Variants in TUT4 observed in about 807,000 individuals in gnomAD.
TUT4 encodes the protein terminal uridylyl transferase 4.
TUT4 carries 36 observed loss-of-function variants against 192.2 expected under a neutral mutation model. That is an observed-to-expected ratio of 0.19 (90% CI 0.14 to 0.25). The LOEUF is 0.25. Ranked by LOEUF, TUT4 falls within the 10% of genes least tolerant of loss-of-function variation. The pLI, the probability that TUT4 is intolerant of heterozygous loss-of-function variation, is 1.00. For synonymous variants in TUT4, 618 were observed against 666.0 expected (o/e 0.93, Z 1.11); for missense variants, 1,493 against 1,957.2 (o/e 0.76, Z 4.47).
chr1:52,488,704 A>G (rs990090464), intron 9 of TUT4, among the ~76,000 whole-genome samples: 1 of 152,220 alleles, frequency 6.6e-6, no homozygotes, highest in Admixed American at 6.5e-5. Flanking sequence ...TCTAAAATAT[A>G]TCCATAAGTG....
chr1:52,444,108 C>T (rs1281247983), intron 24 of TUT4, among the ~76,000 whole-genome samples: 1 of 152,034 alleles, frequency 6.6e-6, no homozygotes. Flanking sequence ...TGGTGTCGGG[C>T]GCCTGTGGTC....
At chr1:52,521,394 G>A (rs1352521925) in intron 2 of TUT4, among the ~76,000 whole-genome samples, 1 of 152,138 alleles carries the variant, frequency 6.6e-6, no homozygotes, top group Non-Finnish European at 1.5e-5. Flanking sequence ...GCCATGTATG[G>A]TAGCTCATGC....
chr1:52,535,487 G>T (rs1202953962), intron 1 of TUT4, among the ~76,000 whole-genome samples: 2 of 151,878 alleles, frequency 1.3e-5, no homozygotes, highest in Non-Finnish European at 2.9e-5. Flanking sequence ...ACTTTTTTCT[G>T]CCCTCTGTAT....
In TUT4 at chr1:52,435,390, A is replaced by G; in HGVS notation, c.4238T>C (p.Ile1413Thr). 1.9e-6 allele frequency: 3 copies of G among 1,614,182 alleles called. No homozygotes were observed. The highest frequency in any genetic ancestry group is 2.5e-6 in the Non-Finnish European group (3 of 1,180,016). Reference sequence around the variant, plus strand: ...ACATTCTGATGACTGTCTAGTCCTTATGGACTGATCACCCTGTTGCTGAGC... The same window carrying G: ...ACATTCTGATGACTGTCTAGTCCTTGTGGACTGATCACCCTGTTGCTGAGC... ...GSAQQQGDQS[I>T]RTRQSSECSE... is the part of the protein sequence containing the mutation. Residue 1413 changes from isoleucine to threonine, a missense_variant, in exon 27 of 30, where the codon ATA becomes ACA. Physicochemically the swap from Ile to Thr is moderately conservative, Grantham distance 89 (BLOSUM62 -1). This residue lies in a region of TUT4 where 351 missense variants were observed against 397.8 expected (regional missense o/e 0.88). Coordinates refer to ENST00000257177, the MANE Select transcript of TUT4 (RefSeq NM_001009881.3).
Position 52,525,719 on chromosome 1 carries a change from A to G in TUT4, c.562T>C (p.Phe188Leu). 6.2e-7 allele frequency: 1 copy of G among 1,614,166 alleles called. No individual in the cohort carries two copies. Among genetic ancestry groups the G allele is most frequent in the Non-Finnish European group, 8.5e-7 (1 of 1,180,010 alleles). Residue 188 changes from phenylalanine (F) to leucine (L), a missense_variant, in exon 2 of 30, where the codon TTT (phenylalanine) becomes CTT (leucine). Phe to Leu is a conservative substitution (Grantham distance 22). Coordinates refer to ENST00000257177, the MANE Select transcript of TUT4 (RefSeq NM_001009881.3). Reference protein sequence around the residue: ...QQIGKKIPSSFTSVDKVNIEA... With the variant: ...QQIGKKIPSSLTSVDKVNIEA... ...ATATTCACTTTGTCCACAGAAGTAAAGGAGCTTGGAATTTTTTTTCCAATC... is the reference window on the plus strand; with the variant it reads ...ATATTCACTTTGTCCACAGAAGTAAGGGAGCTTGGAATTTTTTTTCCAATC...
At position 52,436,793 on chromosome 1, in the gene TUT4, T is replaced by C; in HGVS notation, c.4124A>G (p.Glu1375Gly). The C allele has an allele frequency of 2.5e-6, 4 of 1,613,934 alleles. No individual in the cohort carries two copies. Among genetic ancestry groups the C allele is most frequent in the Non-Finnish European group, 3.4e-6 (4 of 1,180,028 alleles). ...ATTCCTCTGACGGGCCAGCTTGACC[T>C]CTGGGCACTCCCTTCGTACATGTCC... ...DAGHVRRECP[E>G]VKLARQRNSS... The change falls in exon 26 of 30, where the codon GAG (glutamate) becomes GGG (glycine). Residue 1375 changes from glutamate to glycine, a missense_variant. Transcript: ENST00000257177.
chr1:52,443,758 G>C (rs774227069), intron 24 of TUT4, among the ~76,000 whole-genome samples: 1 of 151,418 alleles, frequency 6.6e-6, no homozygotes, highest in Non-Finnish European at 1.5e-5. Context: ...GCAAGACCCT[G>C]TATCAAAAAA....
Position 52,475,495 on chromosome 1 carries a change from GT to G in TUT4, c.2063del (p.Asn688ThrfsTer43), listed in dbSNP as rs1198567780. 1 of 1,613,802 alleles carries G rather than the reference GT, an allele frequency of 6.2e-7. No individual in the cohort carries two copies. The highest frequency in any genetic ancestry group is 8.5e-7 in the Non-Finnish European group (1 of 1,179,980). On this transcript the variant is annotated frameshift_variant, in exon 13 of 30. Coordinates refer to ENST00000257177, the MANE Select transcript of TUT4 (RefSeq NM_001009881.3). LOFTEE classifies it high-confidence loss of function. Reference protein sequence around the residue: ...SVKRNVARSLNSQLVYEYVVE... With the variant: ...SVKRNVARSLXSQLVYEYVVE... The stretch of plus-strand genomic sequence containing the variant: ...CAACATATTCGTAAACCAGCTGGCT[GT>G]TTAAGCTCCGTGCAACATTCCTCTT...
At chr1:52,513,334 A>G (rs1677772354) in intron 3 of TUT4, among the ~76,000 whole-genome samples, 1 of 146,600 alleles carries the variant, frequency 6.8e-6, no homozygotes, top group African/African-American at 2.6e-5. Flanking sequence ...TCAAGGCTGC[A>G]ATGAGCCATT....
rs754941061 is a variant in TUT4 at position 52,425,467 on chromosome 1, T to C, written c.4752A>G (p.Glu1584=). The C allele has an allele frequency of 3.3e-5, 53 of 1,613,920 alleles. No homozygotes were observed. The highest frequency in any genetic ancestry group is 5.9e-6 in the Non-Finnish European group (7 of 1,179,938). ...GGGGGAAATGGGGACGCGGTGCATG[T>C]TCCCAAGGAATTGGAGGAGTCAGTC... ...FRGLTPPIPW[E]HAPRPHFPLV... The change falls in exon 29 of 30, where the codon GAA becomes GAG. Residue 1584 remains glutamate (E), a synonymous_variant. Transcript: ENST00000257177.
intron 12 of TUT4, among the ~76,000 whole-genome samples, chr1:52,476,547 C>CTTAA (rs1667119716): frequency 6.6e-6 from 1 of 152,074 alleles, no homozygotes; most frequent in Admixed American, 6.6e-5. Flanking sequence ...AGGCTTCAAA[C>CTTAA]TGTTAAAGTT....
chr1:52,469,170 C>T (rs1210302191), intron 14 of TUT4, among the ~76,000 whole-genome samples: 1 of 152,002 alleles, frequency 6.6e-6, no homozygotes, highest in Admixed American at 6.5e-5. Context: ...AAAGAGTGAG[C>T]CTTAATGTAT....
chr1:52,518,604 A>T (rs774613375), intron 2 of TUT4, among the ~76,000 whole-genome samples: 2 of 152,220 alleles, frequency 1.3e-5, no homozygotes, highest in Non-Finnish European at 2.9e-5. Context: ...TTGGGAGGGG[A>T]CATAATCCAG....
At chr1:52,449,649 C>T (rs1658762527) in intron 20 of TUT4, among the ~76,000 whole-genome samples, 1 of 152,122 alleles carries the variant, frequency 6.6e-6, no homozygotes, top group African/African-American at 2.4e-5. Flanking sequence ...ATAAAATTTA[C>T]CATCATAAGC....
chr1:52,463,541 A>T, intron 16 of TUT4: 2 of 1,177,726 alleles, frequency 1.7e-6, no homozygotes, highest in Non-Finnish European at 2.2e-6. Context: ...TTTATAATGT[A>T]ACAGAGGCGA....
chr1:52,489,974 CT>C (rs1265530050), intron 8 of TUT4, among the ~76,000 whole-genome samples: 1 of 152,094 alleles, frequency 6.6e-6, no homozygotes. Context: ...TTAGTTTCTG[CT>C]TTCAAAGGCA....
At chr1:52,449,672 G>A (rs1400002311) in intron 20 of TUT4, among the ~76,000 whole-genome samples, 4 of 152,016 alleles carry the variant, frequency 2.6e-5, no homozygotes, top group Non-Finnish European at 5.9e-5. Context: ...ACAGTCCTGC[G>A]GCCTAAGTAT....
chr1:52,507,400 T>A (rs1191596664), intron 4 of TUT4, among the ~76,000 whole-genome samples: 2 of 152,156 alleles, frequency 1.3e-5, no homozygotes, highest in South Asian at 2.1e-4. Context: ...GGAGCCAACA[T>A]TGGGCTCAGG....
At chr1:52,442,229 G>GA (rs1260453991) in intron 24 of TUT4, among the ~76,000 whole-genome samples, 1 of 149,662 alleles carries the variant, frequency 6.7e-6, no homozygotes, top group African/African-American at 2.5e-5. Flanking sequence ...GTTAAATGGG[G>GA]AAGAAAAATG....
Sources: gnomAD v4.1 joint callset for allele counts (sites outside exome capture counted in the v4.1 genomes callset) on GRCh38, gnomAD v4.1.1 for gene constraint, gnomAD v4.1.1 regional missense constraint, MANE v1.5 for transcripts, NCBI Gene and HGNC (gene_info 2026-07-23, HGNC 2026-07-21) for gene names.